Variants in RNF19B observed in about 807,000 individuals in gnomAD.
The protein encoded by RNF19B is ring finger protein 19B.
A neutral mutation model predicts 65.5 loss-of-function variants in RNF19B; 23 were observed. That is an observed-to-expected ratio of 0.35 (90% CI 0.25 to 0.50). The LOEUF (loss-of-function observed/expected upper bound fraction) is 0.50. RNF19B is among the 20% of genes least tolerant of loss of function. The pLI, the probability that RNF19B is intolerant of heterozygous loss-of-function variation, is 0.98. For missense variants in RNF19B, 794 were observed against 980.0 expected (o/e 0.81, Z 2.53); for synonymous variants, 372 against 379.6 (o/e 0.98, Z 0.23).
rs1308940407 is a variant in RNF19B at position 32,949,738 on chromosome 1, CGG to C, written c.670_671del (p.Pro224GlufsTer5). 6.2e-7 allele frequency: 1 copy of C among 1,613,694 alleles called. No individual in the cohort carries two copies. Among genetic ancestry groups the C allele is most frequent in the Non-Finnish European group, 8.5e-7 (1 of 1,179,986 alleles). On this transcript the variant is annotated frameshift_variant, in exon 2 of 9. Coordinates refer to ENST00000235150, the MANE Select transcript of RNF19B (RefSeq NM_001300826.2). LOFTEE classifies it high-confidence loss of function. ...AACCTTCCCTCTCACAAGTTAGCTT[CGG>C]GCAGCTGGCACAGCCATAGGCAATA... ...AVIAYGCASC[P>X]KLTCEREGCQ...
At chr1:32,958,055 G>C (rs1028979292) in intron 1 of RNF19B, among the ~76,000 whole-genome samples, 1 of 152,190 alleles carries the variant, frequency 6.6e-6, no homozygotes, top group Non-Finnish European at 1.5e-5. Context: ...AGAGACATGA[G>C]CTCTCAATCT....
chr1:32,932,993 T>C (rs1036150797), downstream of RNF19B, among the ~76,000 whole-genome samples: 4 of 152,180 alleles, frequency 2.6e-5, no homozygotes, highest in African/African-American at 9.7e-5. Context: ...TGGAACCTTA[T>C]CAAGGAGGAC....
chr1:32,949,630 C>G lies in RNF19B; in HGVS notation c.780G>C (p.Gln260His). The change falls in exon 2 of 9, where the codon CAG becomes CAC. Residue 260 changes from glutamine (Q) to histidine (H), a missense_variant. By Grantham distance (24) the Gln-to-His change is conservative. Around this residue, in one of 3 missense-constraint regions of RNF19B, gnomAD observed 374 missense variants for 423.8 expected, o/e 0.88. Transcript: ENST00000235150. ...TCDMARQQRA[Q>H]TLRVRTKHTS... ...TGTGTTTGGTCCGAACTCGTAAAGT[C>G]TGGGCCCTCTGTTGACGGGCCATAT... 6.2e-7 allele frequency: 1 copy of G among 1,613,990 alleles called. No homozygotes were observed. Among genetic ancestry groups the G allele is most frequent in the Admixed American group, 1.7e-5 (1 of 59,986 alleles).
At chr1:32,961,814 A>G (rs1642776875) in intron 1 of RNF19B, among the ~76,000 whole-genome samples, 1 of 152,132 alleles carries the variant, frequency 6.6e-6, no homozygotes, top group African/African-American at 2.4e-5. Context: ...TTTTCTGTGC[A>G]TTTTTATTGA....
At chr1:32,942,151 AATAAG>A (rs1434597302) in intron 7 of RNF19B, 96 bp downstream of exon 7, 8 of 955,920 alleles carry the variant, frequency 8.4e-6, no homozygotes, top group Non-Finnish European at 1.1e-5. Flanking sequence ...ATTAAATCAA[AATAAG>A]ATGATACGTG....
At chr1:32,934,968 A>AATTACAGACACATGC (rs1476127681), downstream of RNF19B, among the ~76,000 whole-genome samples, 2 of 151,178 alleles carry the variant, frequency 1.3e-5, no homozygotes. Flanking sequence ...GAGTAGCTGG[A>AATTACAGACACATGC]CTACAGGTGT....
intron 1 of RNF19B, among the ~76,000 whole-genome samples, chr1:32,961,707 T>C (rs1642774117): frequency 6.6e-6 from 1 of 152,042 alleles, no homozygotes; most frequent in African/African-American, 2.4e-5. Flanking sequence ...AAATAAAATC[T>C]GGAGGATACT....
Position 32,936,641 on chromosome 1 carries a change from G to T in RNF19B, c.*165C>A. 1 of 697,000 alleles carries T rather than the reference G, an allele frequency of 1.4e-6. No individual in the cohort carries two copies. Among genetic ancestry groups the T allele is most frequent in the Non-Finnish European group, 2.2e-6 (1 of 452,476 alleles). 43.2% of individuals were successfully genotyped at this position (697,000 alleles called of 1,614,324 possible). ...ACGGCAAACTTTTCATGTTTTATCT[G>T]GTAAGAAATTGTGAATTTCTCAGAA... On this transcript the variant is annotated 3_prime_UTR_variant, in exon 9 of 9. Transcript: ENST00000235150.
At chr1:32,947,637 C>A (rs1303566508) in intron 3 of RNF19B, among the ~76,000 whole-genome samples, 2 of 144,514 alleles carry the variant, frequency 1.4e-5, no homozygotes, top group Non-Finnish European at 3.0e-5. Flanking sequence ...CCAGCCTGGG[C>A]GACAGAGAGA....
intron 1 of RNF19B, among the ~76,000 whole-genome samples, chr1:32,962,818 C>T (rs1295045062): frequency 6.6e-6 from 1 of 152,152 alleles, no homozygotes. Flanking sequence ...CTGTCTGACT[C>T]CCAACTACTT....
At chr1:32,944,259 AG>A (rs1334738539) in intron 5 of RNF19B, 100 bp from the exon 6 acceptor site, 1 of 1,347,702 alleles carries the variant, frequency 7.4e-7, no homozygotes, top group African/African-American at 1.5e-5. Context: ...TTATAAAGAA[AG>A]GAAGACAGAA....
chr1:32,949,610 T>A lies in RNF19B; in HGVS notation c.800A>T (p.Lys267Ile). The A allele has an allele frequency of 6.2e-7, 1 of 1,614,044 alleles. No individual in the cohort carries two copies. The highest frequency in any genetic ancestry group is 8.5e-7 in the Non-Finnish European group (1 of 1,180,024). ...CCCATAACTGAGACCTGAAGTGTGT[T>A]TGGTCCGAACTCGTAAAGTCTGGGC... is the stretch of plus-strand genomic sequence containing the variant. Reference protein sequence around the residue: ...QRAQTLRVRTKHTSGLSYGQE... With the variant: ...QRAQTLRVRTIHTSGLSYGQE... Residue 267 changes from lysine (K) to isoleucine (I), a missense_variant, in exon 2 of 9, where the codon AAA (lysine) becomes ATA (isoleucine). Transcript: ENST00000235150.
intron 8 of RNF19B, 88 bp downstream of exon 8, chr1:32,938,309 C>T (rs887642876): frequency 1.5e-6 from 2 of 1,371,796 alleles, no homozygotes; most frequent in Admixed American, 3.4e-5. Flanking sequence ...ATGGTACATA[C>T]AGCCCTAACA....
chr1:32,946,351 C>T, intron 4 of RNF19B, 51 bp downstream of exon 4: 1 of 1,555,856 alleles, frequency 6.4e-7, no homozygotes, highest in Non-Finnish European at 8.8e-7. Flanking sequence ...CAAACCTTTA[C>T]TAACGAACCT....
chr1:32,936,378 T>G (rs993184661), downstream of RNF19B: 4 of 154,842 alleles, frequency 2.6e-5, no homozygotes, highest in African/African-American at 9.6e-5. Flanking sequence ...GTCTAGAGAC[T>G]GTCAAAGATG....
At chr1:32,949,817 A>T (rs1191726307) in intron 1 of RNF19B, 43 bp from the exon 2 acceptor site, 24 of 1,467,350 alleles carry the variant, frequency 1.6e-5, no homozygotes, top group Non-Finnish European at 2.3e-5. Flanking sequence ...GGTAAGAATG[A>T]TCTAACCAAA....
rs544360967 is a variant in RNF19B, at chr1:32,949,548, T to C, written c.841+21A>G. On this transcript the variant is annotated intron_variant, in intron 2 of 8. Transcript: ENST00000235150. ...CATGAAATACCAAATAAAGAGACAATGAGATAATGCCAACTTATACCTGGT... is the reference window on the plus strand; with the variant it reads ...CATGAAATACCAAATAAAGAGACAACGAGATAATGCCAACTTATACCTGGT... 90 of 1,544,324 alleles carry C rather than the reference T, an allele frequency of 5.8e-5. No individual in the cohort carries two copies. The South Asian group carries it at 8.6e-4, about 15-fold the overall frequency.
downstream of RNF19B, among the ~76,000 whole-genome samples, chr1:32,932,192 C>T (rs1226270865): frequency 6.6e-6 from 1 of 152,190 alleles, no homozygotes; most frequent in Non-Finnish European, 1.5e-5. Flanking sequence ...ATTAGCCTTC[C>T]ATGTGAGCTG....
At chr1:32,937,601 C>T (rs961923235) in intron 8 of RNF19B, among the ~76,000 whole-genome samples, 11 of 151,888 alleles carry the variant, frequency 7.2e-5, no homozygotes, top group Non-Finnish European at 1.6e-4. Context: ...CCCAGCTACT[C>T]GGGAGGCTGA....
Sources: allele counts gnomAD v4.1 joint callset (sites outside exome capture counted in the v4.1 genomes callset), GRCh38; gene constraint gnomAD v4.1.1; regional missense constraint gnomAD v4.1.1; transcripts MANE v1.5; gene names NCBI Gene and HGNC (gene_info 2026-07-23, HGNC 2026-07-21).